ERBB4: variants seen among roughly 807,000 people sequenced by gnomAD.
The protein encoded by ERBB4 is receptor tyrosine-protein kinase erbB-4.
A neutral mutation model predicts 158.0 loss-of-function variants in ERBB4; 42 were observed. The observed-to-expected ratio is 0.27, with a 90% CI of 0.21 to 0.34. ERBB4 has a LOEUF of 0.34. ERBB4 is among the 10% of genes least tolerant of loss of function. ERBB4 has a pLI of 1.00. For synonymous variants in ERBB4, 583 were observed against 558.7 expected, an observed-to-expected ratio of 1.04 and a Z score of -0.61; for missense variants, 1,333 against 1,624.1, an observed-to-expected ratio of 0.82 and a Z score of 3.08.
chr2:212,230,336 T>G (rs1487942936), intron 1 of ERBB4, among the ~76,000 whole-genome samples: 3 of 152,116 alleles, frequency 2.0e-5, no homozygotes, highest in Non-Finnish European at 4.4e-5. Context: ...AGTGTAGGTA[T>G]GCTGCAAAAC....
chr2:212,218,088 G>C (rs191045710), intron 1 of ERBB4, among the ~76,000 whole-genome samples: 19 of 151,370 alleles, frequency 1.3e-4, no homozygotes, highest in Admixed American at 1.1e-3. Flanking sequence ...AACATAATAA[G>C]AATAAAGTAG....
At chr2:212,054,607 T>G (rs1035807876) in intron 2 of ERBB4, among the ~76,000 whole-genome samples, 1 of 152,152 alleles carries the variant, frequency 6.6e-6, no homozygotes. Flanking sequence ...AAAGAAACTC[T>G]TGTGCTTCCA....
intron 14 of ERBB4, among the ~76,000 whole-genome samples, chr2:211,669,980 A>C (rs953338964): frequency 6.6e-6 from 1 of 152,352 alleles, no homozygotes; most frequent in East Asian, 1.9e-4. Flanking sequence ...AGTATATATC[A>C]GTTTTTGTCA....
At chr2:212,356,039 A>G (rs1047601845) in intron 1 of ERBB4, among the ~76,000 whole-genome samples, 1 of 152,080 alleles carries the variant, frequency 6.6e-6, no homozygotes, top group African/African-American at 2.4e-5. Context: ...TGCATTTCAA[A>G]TAAACTCCCA....
chr2:211,545,518 A>C (rs1019479311), intron 20 of ERBB4, among the ~76,000 whole-genome samples: 2 of 152,108 alleles, frequency 1.3e-5, no homozygotes, highest in Non-Finnish European at 2.9e-5. Flanking sequence ...GGATATAAAA[A>C]TAGATGGGAT....
chr2:211,604,384 G>A (rs564076490), intron 19 of ERBB4, among the ~76,000 whole-genome samples: 1 of 152,252 alleles, frequency 6.6e-6, no homozygotes, highest in African/African-American at 2.4e-5. Flanking sequence ...TTATGCCACT[G>A]TTCCTTATCA....
chr2:212,501,341 A>T (rs114239521), intron 1 of ERBB4, among the ~76,000 whole-genome samples: 1 of 152,146 alleles, frequency 6.6e-6, no homozygotes, highest in East Asian at 1.9e-4. Context: ...TGTGAAATGT[A>T]TAACAGAATT....
intron 1 of ERBB4, among the ~76,000 whole-genome samples, chr2:212,191,983 TTATATGTTATATATGTTATATATAA>T (rs2082262797): frequency 2.6e-5 from 3 of 114,612 alleles, no homozygotes; most frequent in Non-Finnish European, 5.6e-5. Flanking sequence ...GTTATATATG[TTATATGTTATATATGTTATATATAA>T]TATATGTTAT....
intron 2 of ERBB4, among the ~76,000 whole-genome samples, chr2:212,018,545 T>C (rs1234315319): frequency 6.6e-6 from 1 of 152,214 alleles, no homozygotes; most frequent in Non-Finnish European, 1.5e-5. Flanking sequence ...GTTCATTGTT[T>C]CTTAATTTTG....
intron 23 of ERBB4, among the ~76,000 whole-genome samples, chr2:211,422,482 G>A (rs1253487032): frequency 1.5e-5 from 2 of 130,988 alleles, no homozygotes; most frequent in Non-Finnish European, 3.2e-5. Context: ...CATTTGTCCT[G>A]GTGGACAAAA....
intron 20 of ERBB4, among the ~76,000 whole-genome samples, chr2:211,523,116 C>T (rs1331376478): frequency 1.4e-5 from 2 of 146,698 alleles, no homozygotes; most frequent in Non-Finnish European, 3.0e-5. Flanking sequence ...AACAGAAGGC[C>T]CCACTGACAG....
intron 20 of ERBB4, among the ~76,000 whole-genome samples, chr2:211,462,425 A>G (rs1286262878): frequency 6.6e-6 from 1 of 152,206 alleles, no homozygotes; most frequent in African/African-American, 2.4e-5. Flanking sequence ...TAATGGAAAT[A>G]CAAGTGAAAG....
chr2:212,474,921 CA>C lies in ERBB4; in HGVS notation c.82+63527del, dbSNP rs1689309053. ...CCTAGCAGCTCAGCCTCCAGAGTAGCAGGGACCACTGGCTCACACCTCCATG... is the reference window on the plus strand; with the variant it reads ...CCTAGCAGCTCAGCCTCCAGAGTAGCGGGACCACTGGCTCACACCTCCATG... On this transcript the variant is annotated intron_variant, in intron 1 of 27. Transcript: ENST00000342788. Among the ~76,000 whole-genome samples, 5 of 147,980 alleles carry C rather than the reference CA, an allele frequency of 3.4e-5. No individual in the cohort carries two copies. In the Admixed American group the frequency reaches 3.4e-4, roughly 10 times the overall value.
chr2:212,345,181 G>A (rs914912588), intron 1 of ERBB4, among the ~76,000 whole-genome samples: 7 of 149,600 alleles, frequency 4.7e-5, no homozygotes, highest in African/African-American at 1.5e-4. Flanking sequence ...CAGGAGAATG[G>A]CGTGAACCCG....
intron 20 of ERBB4, among the ~76,000 whole-genome samples, chr2:211,519,425 T>C (rs770787236): frequency 6.6e-5 from 10 of 152,068 alleles, no homozygotes; most frequent in Admixed American, 1.3e-4. Flanking sequence ...TCTCCTCCAC[T>C]GCCATGGGTA....
chr2:211,732,212 T>C (rs2074446496), intron 5 of ERBB4, among the ~76,000 whole-genome samples: 1 of 152,112 alleles, frequency 6.6e-6, no homozygotes, highest in African/African-American at 2.4e-5. Flanking sequence ...AAGTCAAAAA[T>C]TGTTGCCTCA....
chr2:212,202,987 C>A (rs2082631613), intron 1 of ERBB4, among the ~76,000 whole-genome samples: 1 of 151,324 alleles, frequency 6.6e-6, no homozygotes, highest in Non-Finnish European at 1.5e-5. Flanking sequence ...TGTTATATAA[C>A]TTATTTTATT....
At chr2:212,432,927 T>C (rs761122368) in intron 1 of ERBB4, among the ~76,000 whole-genome samples, 2 of 152,068 alleles carry the variant, frequency 1.3e-5, no homozygotes, top group African/African-American at 2.4e-5. Flanking sequence ...AGTCTGATGA[T>C]ACAGTGTTAC....
chr2:212,254,211 A>C (rs1022224999), intron 1 of ERBB4, among the ~76,000 whole-genome samples: 14 of 152,148 alleles, frequency 9.2e-5, no homozygotes, highest in African/African-American at 3.4e-4. Context: ...AAAACAAATA[A>C]ATACATTTTA....
Sources: allele counts gnomAD v4.1 joint callset (sites outside exome capture counted in the v4.1 genomes callset), GRCh38; gene constraint gnomAD v4.1.1; transcripts MANE v1.5; gene names NCBI Gene and HGNC (gene_info 2026-07-23, HGNC 2026-07-21).